POU6F1: variants seen among roughly 807,000 people sequenced by gnomAD.
POU6F1 encodes POU domain, class 6, transcription factor 1.
POU6F1 carries 9 observed loss-of-function variants against 28.9 expected under a neutral mutation model. The ratio of observed to expected loss-of-function variants is 0.31; its 90% CI spans 0.19 to 0.54. The LOEUF is 0.54. POU6F1 is among the 20% of genes least tolerant of loss of function. POU6F1 has a pLI of 0.94. For missense variants in POU6F1, 338 were observed against 426.1 expected (o/e 0.79, Z 1.82); for synonymous variants, 173 against 171.1 (o/e 1.01, Z -0.09).
intron 1 of POU6F1, among the ~76,000 whole-genome samples, chr12:51,214,690 C>T (rs1413610179): frequency 6.6e-6 from 1 of 152,166 alleles, no homozygotes; most frequent in Non-Finnish European, 1.5e-5. Flanking sequence ...GTAATCCCAG[C>T]ACTTTGGGAG....
Position 51,196,161 on chromosome 12 carries a change from G to C in POU6F1, c.988C>G (p.Leu330Val). 1 of 1,522,102 alleles carries C rather than the reference G, an allele frequency of 6.6e-7. No individual in the cohort carries two copies. The highest frequency in any genetic ancestry group is 1.3e-5 in the South Asian group (1 of 75,952). The allele number at this position is 1,522,102 out of a possible 1,614,324, so 94.3% of individuals were successfully genotyped here. The change falls in exon 8 of 11, where the codon CTT becomes GTT. Residue 330 changes from leucine to valine, a missense_variant. Around this residue, in one of 3 missense-constraint regions of POU6F1, gnomAD observed 206 missense variants for 225.6 expected, o/e 0.91. Transcript: ENST00000333640. ...TNAQGQVIGT[L>V]PWVVNSASVA... ...CTAGCTGAGTTCACTACCCATGGAA[G>C]GGTTCCAATAACCTGGGAGGAAATA... is the stretch of plus-strand genomic sequence containing the variant.
At chr12:51,205,035 T>TC (rs1491479657) in intron 2 of POU6F1, among the ~76,000 whole-genome samples, 2 of 80,166 alleles carry the variant, frequency 2.5e-5, no homozygotes, top group East Asian at 4.7e-4. Flanking sequence ...GGACTGCAGC[T>TC]TTTTTTTTTT....
At chr12:51,212,088 G>GT (rs1339109332) in intron 1 of POU6F1, among the ~76,000 whole-genome samples, 7 of 143,756 alleles carry the variant, frequency 4.9e-5, no homozygotes, top group African/African-American at 1.9e-4. Flanking sequence ...TTTTTGTTTT[G>GT]TTTGTTTGTT....
At position 51,191,688 on chromosome 12, in the gene POU6F1, G is replaced by T. The variant is rs150600315; in HGVS notation, c.1398C>A (p.Ile466=). 802 of 1,614,196 alleles carry T rather than the reference G, an allele frequency of 5.0e-4. 4 individuals carry two copies. Among genetic ancestry groups the T allele is most frequent in the South Asian group, 4.3e-3 (392 of 91,076 alleles). The part of the protein sequence containing the change: ...EIREFAKNFK[I]RRLSLGLTQT... ...GTGTAAGGCCCAGCGAGAGCCGCCG[G>T]ATCTTAAAGTTCTTGGCAAACTCCC... Residue 466 remains isoleucine (I), a synonymous_variant, in exon 10 of 11, where the codon ATC becomes ATA. Coordinates refer to ENST00000333640, the MANE Select transcript of POU6F1 (RefSeq NM_001330422.2).
rs187849672 is a variant in POU6F1, at chr12:51,205,713, T to C, written c.48+1076A>G. On this transcript the variant is annotated intron_variant, in intron 2 of 10. Transcript: ENST00000333640. The stretch of plus-strand genomic sequence containing the variant: ...TGTGACCCATCAGCAGAATATGAGA[T>C]GAGTGAAATACATCCCCAAAGCAGC... Among the ~76,000 whole-genome samples the C allele has an allele frequency of 3.5e-3, 530 of 152,304 alleles. 1 individual carries two copies. The highest frequency in any genetic ancestry group is 4.6e-3 in the Non-Finnish European group (312 of 68,024).
At chr12:51,195,839 C>T in intron 8 of POU6F1, 131 bp downstream of exon 8, 1 of 1,081,714 alleles carries the variant, frequency 9.2e-7, no homozygotes, top group Non-Finnish European at 1.3e-6. Context: ...CTGGGACCTC[C>T]CCCACTTTAG....
In POU6F1 at chr12:51,189,993, C is replaced by T. The variant is rs141150055; in HGVS notation, c.*254G>A. The T allele has an allele frequency of 5.1e-4, 284 of 555,162 alleles. 1 individual carries two copies. The highest frequency in any genetic ancestry group is 4.9e-3 in the African/African-American group (259 of 53,276). The allele number at this position is 555,162 out of a possible 1,614,324, so 34.4% of individuals were successfully genotyped here. A position where few individuals can be genotyped will look rare whatever the true frequency, so the allele number is the denominator to read the frequency against. ...GCTAGCAAGGTGCTTCTCTAAGTGA[C>T]GTCACAAATCCTCTTCTTCGGAGTG... is the stretch of plus-strand genomic sequence containing the variant. On this transcript the variant is annotated 3_prime_UTR_variant, in exon 11 of 11. Transcript: ENST00000333640.
In POU6F1 at chr12:51,187,083, A is replaced by G. The variant is rs1942072758; in HGVS notation, c.*3164T>C. ...CCTCAGTGCCAGAGCCTGGTCCAAG[A>G]GGCAGGAAGGAAATCTGGGCATGGG... On this transcript the variant is annotated 3_prime_UTR_variant, in exon 11 of 11. Coordinates refer to ENST00000333640, the MANE Select transcript of POU6F1 (RefSeq NM_001330422.2). The G allele has an allele frequency of 6.6e-6, 1 of 152,192 alleles. No individual in the cohort carries two copies. The highest frequency in any genetic ancestry group is 2.4e-5 in the African/African-American group (1 of 41,426). The allele number at this position is 152,192 out of a possible 1,614,324, so 9.4% of individuals were successfully genotyped here.
At chr12:51,209,835 G>C (rs1943868088) in intron 1 of POU6F1, among the ~76,000 whole-genome samples, 1 of 152,176 alleles carries the variant, frequency 6.6e-6, no homozygotes, top group South Asian at 2.1e-4. Flanking sequence ...GAGGAAATGA[G>C]CCTTCCCCTT....
chr12:51,197,902 C>T lies in POU6F1; in HGVS notation c.714G>A (p.Pro238=), dbSNP rs916812193. The T allele has an allele frequency of 4.2e-5, 17 of 405,604 alleles. No individual in the cohort carries two copies. Among genetic ancestry groups the T allele is most frequent in the African/African-American group, 2.7e-4 (13 of 48,662 alleles). 25.1% of individuals were successfully genotyped at this position (405,604 alleles called of 1,614,324 possible). Residue 238 remains proline, a synonymous_variant, in exon 6 of 11, where the codon CCG becomes CCA. Transcript: ENST00000333640. ...GGATGGCAGGTGTGGTCTGCAGCAG[C>T]GGCTGGGTCTGGAACAGCGTCTGGG... ...AQPQTLFQTQ[P]LLQTTPAILP...
chr12:51,208,179 T>TGAGGTGGGAAGATCGCTTGAGCCTGG (rs1413858275), intron 1 of POU6F1, among the ~76,000 whole-genome samples: 1 of 150,402 alleles, frequency 6.6e-6, no homozygotes, highest in South Asian at 2.1e-4. Flanking sequence ...CTCAGGAGGC[T>TGAGGTGGGAAGATCGCTTGAGCCTGG]GAGGTGGGAA....
In POU6F1 at chr12:51,204,507, G is replaced by A. The variant is rs545798580; in HGVS notation, c.49-139C>T. 1.9e-4 allele frequency: 74 copies of A among 397,120 alleles called. No individual in the cohort carries two copies. The East Asian group carries it at 2.5e-3, about 13-fold the overall frequency. 24.6% of individuals were successfully genotyped at this position (397,120 alleles called of 1,614,324 possible). A position where few individuals can be genotyped will look rare whatever the true frequency, so the allele number is the denominator to read the frequency against. ...CTGTCCAGAGGGCTGTGTGCTCTGT[G>A]AGAATTCCAGAGCCTGGCGCAGGTT... On this transcript the variant is annotated intron_variant, in intron 2 of 10. Coordinates refer to ENST00000333640, the MANE Select transcript of POU6F1 (RefSeq NM_001330422.2).
At chr12:51,207,475 C>T (rs2137198365) in intron 1 of POU6F1, 1 of 152,290 alleles carries the variant, frequency 6.6e-6, no homozygotes, top group South Asian at 2.1e-4. Context: ...AGAGCACACC[C>T]AGCAGAACCC....
chr12:51,194,753 T>C (rs1451895119), intron 8 of POU6F1, among the ~76,000 whole-genome samples: 1 of 152,228 alleles, frequency 6.6e-6, no homozygotes. Context: ...AACTACTGCT[T>C]GTTTTTCAAG....
At chr12:51,198,414 C>T (rs1004501137) in intron 5 of POU6F1, 136 bp downstream of exon 5, 1 of 397,946 alleles carries the variant, frequency 2.5e-6, no homozygotes, top group Non-Finnish European at 4.4e-6. Flanking sequence ...GCCGGATGCC[C>T]AAGACACCGG....
chr12:51,208,735 G>C (rs1048817354), intron 1 of POU6F1, among the ~76,000 whole-genome samples: 2 of 152,154 alleles, frequency 1.3e-5, no homozygotes, highest in African/African-American at 4.8e-5. Flanking sequence ...CCAGGAGTTC[G>C]AGACTAGCCT....
intron 1 of POU6F1, among the ~76,000 whole-genome samples, chr12:51,216,384 A>G (rs1944286529): frequency 6.6e-6 from 1 of 152,156 alleles, no homozygotes; most frequent in South Asian, 2.1e-4. Context: ...ATACACACAC[A>G]CTGACACACA....
chr12:51,197,855 G>A lies in POU6F1; in HGVS notation c.761C>T (p.Thr254Ile), dbSNP rs938355080. 5.0e-6 allele frequency: 2 copies of A among 403,938 alleles called. No homozygotes were observed. The highest frequency in any genetic ancestry group is 7.1e-5 in the East Asian group (2 of 28,146). 25.0% of individuals were successfully genotyped at this position (403,938 alleles called of 1,614,324 possible). Residue 254 changes from threonine (T) to isoleucine (I), a missense_variant, in exon 6 of 11, where the codon ACC (threonine) becomes ATC (isoleucine). Transcript: ENST00000333640. ...TGGCTTGGGGGTAGGGGCAGCAGCG[G>A]TGGCAGCAGTGGGCTGCGGGAGGAT... ...PAILPQPTAA[T>I]AAAPTPKPVD...
In POU6F1 at chr12:51,188,314, C is replaced by G. The variant is rs1449331939; in HGVS notation, c.*1933G>C. 1 of 152,230 alleles carries G rather than the reference C, an allele frequency of 6.6e-6. No homozygotes were observed. Among genetic ancestry groups the G allele is most frequent in the Non-Finnish European group, 1.5e-5 (1 of 68,050 alleles). The allele number at this position is 152,230 out of a possible 1,614,324, so 9.4% of individuals were successfully genotyped here. A position where few individuals can be genotyped will look rare whatever the true frequency, so the allele number is the denominator to read the frequency against. Reference sequence around the variant, plus strand: ...TGAAAACTTGTTTGCAACACCCCTCCCAAATGAGTCTGTCATCTCATTGAG... The same window carrying G: ...TGAAAACTTGTTTGCAACACCCCTCGCAAATGAGTCTGTCATCTCATTGAG... On this transcript the variant is annotated 3_prime_UTR_variant, in exon 11 of 11. Coordinates refer to ENST00000333640, the MANE Select transcript of POU6F1 (RefSeq NM_001330422.2).
Sources: allele counts gnomAD v4.1 joint callset (sites outside exome capture counted in the v4.1 genomes callset), GRCh38; gene constraint gnomAD v4.1.1; regional missense constraint gnomAD v4.1.1; transcripts MANE v1.5; gene names NCBI Gene and HGNC (gene_info 2026-07-23, HGNC 2026-07-21).